Variants in AGBL1 observed in about 807,000 individuals in gnomAD.
AGBL1 encodes the protein cytosolic carboxypeptidase 4.
In AGBL1, 130 loss-of-function variants were observed where a neutral mutation model predicts 118.9. The ratio of observed to expected loss-of-function variants is 1.09; its 90% CI spans 0.95 to 1.26. The LOEUF (loss-of-function observed/expected upper bound fraction) is 1.26. Among genes scored for constraint, AGBL1 ranks in the 50% most tolerant of loss-of-function variants. The pLI, the probability that AGBL1 is intolerant of heterozygous loss-of-function variation, is 0.00. For synonymous variants in AGBL1, 555 were observed against 478.9 expected, an observed-to-expected ratio of 1.16 and a Z score of -2.08; for missense variants, 1,584 against 1,298.1, an observed-to-expected ratio of 1.22 and a Z score of -3.38.
At chr15:86,413,820 C>T (rs921097552) in intron 18 of AGBL1, among the ~76,000 whole-genome samples, 5 of 151,968 alleles carry the variant, frequency 3.3e-5, no homozygotes, top group South Asian at 2.1e-4. Context: ...CCATTCTGCA[C>T]GTTGTCTGTC....
chr15:86,094,789 G>A (rs1896248846), intron 1 of AGBL1, among the ~76,000 whole-genome samples: 1 of 152,176 alleles, frequency 6.6e-6, no homozygotes, highest in Non-Finnish European at 1.5e-5. Context: ...TGTGTGAGGT[G>A]GTTCCCACAC....
intron 22 of AGBL1, among the ~76,000 whole-genome samples, chr15:86,839,529 G>A (rs762594730): frequency 3.3e-5 from 5 of 152,028 alleles, no homozygotes; most frequent in East Asian, 1.9e-4. Context: ...CTCAGCTTTC[G>A]CACTACTGAT....
intron 18 of AGBL1, among the ~76,000 whole-genome samples, chr15:86,467,038 C>A (rs1457147449): frequency 6.6e-6 from 1 of 152,232 alleles, no homozygotes; most frequent in Non-Finnish European, 1.5e-5. Context: ...AACCCGCGTG[C>A]AGGAACATTT....
chr15:86,968,178 T>C (rs932078241), intron 23 of AGBL1, among the ~76,000 whole-genome samples: 2 of 151,834 alleles, frequency 1.3e-5, no homozygotes, highest in East Asian at 1.9e-4. Context: ...TTTGGAGTAG[T>C]GACAATGACA....
rs1327261131 is a variant in AGBL1 at position 86,464,490 on chromosome 15, G to A, written c.2556-58320G>A. ...TCCAATACTATGTTGAATAGGAGTGGTGATAGAGGGCATCCTTGTCTTGTG... is the reference window on the plus strand; with the variant it reads ...TCCAATACTATGTTGAATAGGAGTGATGATAGAGGGCATCCTTGTCTTGTG... On this transcript the variant is annotated intron_variant, in intron 18 of 22. Transcript: ENST00000614907. 3.3e-5 allele frequency among the ~76,000 whole-genome samples: 5 copies of A among 152,288 alleles called. No homozygotes were observed. In the East Asian group the frequency reaches 9.6e-4, roughly 29 times the overall value.
intron 22 of AGBL1, among the ~76,000 whole-genome samples, chr15:86,862,172 C>CG (rs1273544780): frequency 6.6e-6 from 1 of 152,138 alleles, no homozygotes; most frequent in Non-Finnish European, 1.5e-5. Context: ...ATAGTCTCTA[C>CG]GCAGAGTAAC....
At chr15:86,465,496 CAG>C (rs1162757642) in intron 18 of AGBL1, among the ~76,000 whole-genome samples, 2 of 152,188 alleles carry the variant, frequency 1.3e-5, no homozygotes, top group Non-Finnish European at 2.9e-5. Context: ...CCGGGAAGAA[CAG>C]AGTCATATTT....
intron 18 of AGBL1, among the ~76,000 whole-genome samples, chr15:86,503,995 G>T (rs2082946419): frequency 6.6e-6 from 1 of 151,448 alleles, no homozygotes; most frequent in African/African-American, 2.4e-5. Context: ...GTGTCTAGTT[G>T]TTCTATCCAT....
chr15:86,396,187 G>GTA (rs2081358942), intron 17 of AGBL1, among the ~76,000 whole-genome samples: 2 of 146,210 alleles, frequency 1.4e-5, no homozygotes, highest in Admixed American at 6.9e-5. Flanking sequence ...ATATATATGT[G>GTA]TATATATATA....
At chr15:86,169,973 A>G (rs570392442) in intron 5 of AGBL1, among the ~76,000 whole-genome samples, 1 of 152,344 alleles carries the variant, frequency 6.6e-6, no homozygotes, top group East Asian at 1.9e-4. Context: ...TAAGTGAGGT[A>G]AAATCACAAT....
chr15:86,532,077 C>G (rs1359978650), intron 19 of AGBL1, among the ~76,000 whole-genome samples: 2 of 151,274 alleles, frequency 1.3e-5, no homozygotes, highest in Non-Finnish European at 2.9e-5. Flanking sequence ...TCTCACCGCT[C>G]CTATTCAACA....
At chr15:86,203,451 C>G (rs1410427121) in intron 5 of AGBL1, among the ~76,000 whole-genome samples, 2 of 152,088 alleles carry the variant, frequency 1.3e-5, no homozygotes, top group African/African-American at 2.4e-5. Context: ...TATTGTTTGT[C>G]TTTATAAATA....
intron 21 of AGBL1, among the ~76,000 whole-genome samples, chr15:86,653,710 A>T (rs2085416036): frequency 1.3e-5 from 2 of 152,152 alleles, no homozygotes; most frequent in South Asian, 2.1e-4. Context: ...CAGCATATCA[A>T]GTATGAGGAA....
At chr15:86,923,542 T>C (rs189810394) in intron 23 of AGBL1, among the ~76,000 whole-genome samples, 3 of 152,366 alleles carry the variant, frequency 2.0e-5, no homozygotes, top group Non-Finnish European at 4.4e-5. Context: ...CTTCTATCCA[T>C]GAACGCTTAA....
intron 17 of AGBL1, among the ~76,000 whole-genome samples, chr15:86,331,223 CAAAAA>C (rs71144041): frequency 2.3e-4 from 22 of 97,124 alleles, no homozygotes; most frequent in African/African-American, 8.0e-4. Flanking sequence ...GACTCCATCT[CAAAAA>C]AAAAAAAAAA....
At chr15:86,158,763 G>C (rs2077226585) in intron 4 of AGBL1, among the ~76,000 whole-genome samples, 170 bp from the exon 5 acceptor site, 1 of 150,038 alleles carries the variant, frequency 6.7e-6, no homozygotes, top group African/African-American at 2.5e-5. Flanking sequence ...CTTAGTCATG[G>C]GAGACCCGAG....
chr15:86,711,926 ATTTT>A (rs2086566698), intron 22 of AGBL1, among the ~76,000 whole-genome samples: 1 of 152,206 alleles, frequency 6.6e-6, no homozygotes, highest in South Asian at 2.1e-4. Context: ...TGGACAAGAC[ATTTT>A]AGGTGCTTTC....
intron 1 of AGBL1, among the ~76,000 whole-genome samples, chr15:86,088,697 A>AT: frequency 6.6e-6 from 1 of 152,340 alleles, no homozygotes; most frequent in East Asian, 1.9e-4. Flanking sequence ...AAATGTCAGG[A>AT]TAAATTTACT....
intron 17 of AGBL1, among the ~76,000 whole-genome samples, chr15:86,323,634 T>A (rs1396859175): frequency 2.6e-5 from 4 of 152,192 alleles, no homozygotes; most frequent in Non-Finnish European, 5.9e-5. Flanking sequence ...TGGTGCTAAA[T>A]GTGGTTTAAG....
Sources: allele counts gnomAD v4.1 joint callset (sites outside exome capture counted in the v4.1 genomes callset), GRCh38; gene constraint gnomAD v4.1.1; transcripts MANE v1.5; gene names NCBI Gene and HGNC (gene_info 2026-07-23, HGNC 2026-07-21).